MORN5: variants seen among roughly 807,000 people sequenced by gnomAD.
The protein encoded by MORN5 is MORN repeat containing 5, also known as MORN repeat-containing protein 5.
A neutral mutation model predicts 22.1 loss-of-function variants in MORN5; 21 were observed. The ratio of observed to expected loss-of-function variants is 0.95; its 90% CI spans 0.67 to 1.37. The LOEUF is 1.37. MORN5 is among the 40% of genes most tolerant of loss of function. The pLI is 0.00. For missense variants in MORN5, 211 were observed against 215.1 expected, an observed-to-expected ratio of 0.98 and a Z score of 0.12; for synonymous variants, 73 against 74.0, an observed-to-expected ratio of 0.99 and a Z score of 0.07.
At chr9:122,166,122 G>T (rs1829272550) in intron 1 of MORN5, among the ~76,000 whole-genome samples, 1 of 152,038 alleles carries the variant, frequency 6.6e-6, no homozygotes, top group Non-Finnish European at 1.5e-5. Flanking sequence ...GATCTCATGA[G>T]ACTTATTCAC....
At chr9:122,193,119 G>T (rs984730133) in intron 4 of MORN5, among the ~76,000 whole-genome samples, 4 of 152,122 alleles carry the variant, frequency 2.6e-5, no homozygotes, top group African/African-American at 9.7e-5. Context: ...ATGAAGCCCA[G>T]CCCACACATT....
At chr9:122,179,397 C>T (rs1829501531) in intron 4 of MORN5, among the ~76,000 whole-genome samples, 1 of 152,126 alleles carries the variant, frequency 6.6e-6, no homozygotes, top group Admixed American at 6.5e-5. Flanking sequence ...CAAAGGAGAT[C>T]AGATTAGGTA....
rs116648780 is a variant in MORN5, at chr9:122,186,911, C to T, written c.439+12284C>T. On this transcript the variant is annotated intron_variant, in intron 4 of 4. Transcript: ENST00000373764. ...TGAAACCCCTCAGGTCCAGGAGAGGCGGACAGGGTCACAGGCAGGTATTTA... is the reference window on the plus strand; with the variant it reads ...TGAAACCCCTCAGGTCCAGGAGAGGTGGACAGGGTCACAGGCAGGTATTTA... 4.8e-3 allele frequency among the ~76,000 whole-genome samples: 725 copies of T among 152,310 alleles called. 8 individuals carry two copies. The highest frequency in any genetic ancestry group is 0.016 in the African/African-American group (673 of 41,566).
At chr9:122,162,811 G>A (rs1588299539) in intron 1 of MORN5, among the ~76,000 whole-genome samples, 1 of 152,340 alleles carries the variant, frequency 6.6e-6, no homozygotes, top group Middle Eastern at 3.4e-3. Flanking sequence ...GTCACCTAGA[G>A]ATGAGGATTG....
chr9:122,175,508 T>C (rs1419928469), intron 4 of MORN5: 8 of 985,292 alleles, frequency 8.1e-6, no homozygotes, highest in Non-Finnish European at 9.6e-6. Flanking sequence ...CTTATCCTTT[T>C]CTGAAGTCAC....
rs550610477 is a variant in MORN5, at chr9:122,197,919, G to A, written c.440-1966G>A. ...CAGGGACTCCCAGGCAGCCTCCCCA[G>A]AGGAAACTGAGGCTCACTGGCTGCT... On this transcript the variant is annotated intron_variant, in intron 4 of 4. Transcript: ENST00000373764. The surrounding 1 kb of genome is among the most constrained non-coding windows in gnomAD (Gnocchi z 5.7). Among the ~76,000 whole-genome samples the A allele has an allele frequency of 8.5e-4, 129 of 152,322 alleles. No individual in the cohort carries two copies. The highest frequency in any genetic ancestry group is 1.5e-3 in the Non-Finnish European group (102 of 68,026).
intron 3 of MORN5, among the ~76,000 whole-genome samples, chr9:122,173,969 G>A (rs538322076): frequency 3.3e-5 from 5 of 152,364 alleles, no homozygotes; most frequent in Admixed American, 6.5e-5. Context: ...GGCAGCCACC[G>A]TGGTAATTTT....
chr9:122,186,281 C>T (rs1056707387), intron 4 of MORN5, among the ~76,000 whole-genome samples: 1 of 152,138 alleles, frequency 6.6e-6, no homozygotes, highest in Non-Finnish European at 1.5e-5. Flanking sequence ...AAGTTATTTA[C>T]TGACAATCAA....
chr9:122,191,105 A>G (rs1163701470), intron 4 of MORN5, among the ~76,000 whole-genome samples: 1 of 152,076 alleles, frequency 6.6e-6, no homozygotes, highest in Admixed American at 6.6e-5. Context: ...CATTCGGCAT[A>G]AGCCCTGGGC....
At position 122,174,602 on chromosome 9, in the gene MORN5, T is replaced by C. The variant is rs1829419451; in HGVS notation, c.414T>C (p.Tyr138=). 1.2e-6 allele frequency: 2 copies of C among 1,614,148 alleles called. No homozygotes were observed. Among genetic ancestry groups the C allele is most frequent in the African/African-American group, 1.3e-5 (1 of 75,040 alleles). Residue 138 remains tyrosine, a synonymous_variant, in exon 4 of 5, where the codon TAT becomes TAC. Coordinates refer to ENST00000373764, the MANE Select transcript of MORN5 (RefSeq NM_198469.4). ...CAGTCACGAGGGTAGTCAAGGACTA[T>C]AGGAACCGCTTTCTAAGAAACGCAG... ...YNPVTRVVKD[Y]RNRFLRNADD...
At position 122,163,646 on chromosome 9, in the gene MORN5, A is replaced by G. The variant is rs1564414327; in HGVS notation, c.48-3122A>G. Among the ~76,000 whole-genome samples, 5 of 152,210 alleles carry G rather than the reference A, an allele frequency of 3.3e-5. No homozygotes were observed. In the South Asian group the frequency reaches 6.2e-4, roughly 19 times the overall value. On this transcript the variant is annotated intron_variant, in intron 1 of 4. Transcript: ENST00000373764. The stretch of plus-strand genomic sequence containing the variant: ...AGCTGGCAGTTCAGTTTGGCAGGAG[A>G]GTGGGTTGTGCCCAGAGGAGTTATG...
intron 4 of MORN5, among the ~76,000 whole-genome samples, chr9:122,191,863 C>T (rs1376208326): frequency 4.6e-5 from 7 of 152,242 alleles, no homozygotes; most frequent in African/African-American, 9.6e-5. Context: ...CTCCTCCTCC[C>T]GCAGGCTCCC....
intron 4 of MORN5, among the ~76,000 whole-genome samples, chr9:122,198,580 A>T (rs1403649062): frequency 6.6e-6 from 1 of 152,106 alleles, no homozygotes; most frequent in African/African-American, 2.4e-5. Flanking sequence ...TGAAAAAAGC[A>T]TGGGCAGCTG....
chr9:122,169,321 T>A (rs1829332888), intron 2 of MORN5, among the ~76,000 whole-genome samples: 1 of 152,174 alleles, frequency 6.6e-6, no homozygotes, highest in African/African-American at 2.4e-5. Context: ...GCTTCACGTG[T>A]GCTATCTCAT....
intron 4 of MORN5, among the ~76,000 whole-genome samples, chr9:122,190,368 C>G (rs370169732): frequency 6.6e-6 from 1 of 152,106 alleles, no homozygotes; most frequent in Non-Finnish European, 1.5e-5. Context: ...GAGTCTTTAA[C>G]AATTGGCCAT....
At position 122,163,752 on chromosome 9, in the gene MORN5, C is replaced by T. The variant is rs141314008; in HGVS notation, c.48-3016C>T. Among the ~76,000 whole-genome samples, 975 of 152,278 alleles carry T rather than the reference C, an allele frequency of 6.4e-3. 5 individuals are homozygous for T. Among genetic ancestry groups the T allele is most frequent in the Middle Eastern group, 0.017 (5 of 294 alleles). Reference sequence around the variant, plus strand: ...CACAATTCTGGTGGTGGAGGAACCACTGATAGATCCTGGTAGGGCCAAGCA... The same window carrying T: ...CACAATTCTGGTGGTGGAGGAACCATTGATAGATCCTGGTAGGGCCAAGCA... On this transcript the variant is annotated intron_variant, in intron 1 of 4. Transcript: ENST00000373764.
In MORN5 at chr9:122,197,562, G is replaced by A. The variant is rs1230708386; in HGVS notation, c.440-2323G>A. On this transcript the variant is annotated intron_variant, in intron 4 of 4. Coordinates refer to ENST00000373764, the MANE Select transcript of MORN5 (RefSeq NM_198469.4). The surrounding 1 kb of genome is among the most constrained non-coding windows in gnomAD (Gnocchi z 5.7). ...GGTTGGTGAGCAGCTGCTGGGAGGG[G>A]AGGCATCTGTGATTCAAATTGGTGG... 2.6e-5 allele frequency among the ~76,000 whole-genome samples: 4 copies of A among 152,176 alleles called. No individual in the cohort carries two copies. The highest frequency in any genetic ancestry group is 4.4e-5 in the Non-Finnish European group (3 of 68,018).
rs886879650 is a variant in MORN5 at position 122,196,115 on chromosome 9, T to C, written c.440-3770T>C. ...CTGGGACCACAGGTGCTTGCCACCA[T>C]GCCCAGCTAATTTTTCTATTTTTTG... On this transcript the variant is annotated intron_variant, in intron 4 of 4. Transcript: ENST00000373764. Among the ~76,000 whole-genome samples, 3 of 151,888 alleles carry C rather than the reference T, an allele frequency of 2.0e-5. No homozygotes were observed. In the East Asian group the frequency reaches 5.8e-4, roughly 29 times the overall value.
intron 1 of MORN5, among the ~76,000 whole-genome samples, chr9:122,163,977 C>T (rs541771671): frequency 5.6e-4 from 85 of 152,170 alleles, no homozygotes; most frequent in Non-Finnish European, 9.4e-4. Context: ...TCCACCCCAC[C>T]GGACTCAAGC....
Sources: allele counts gnomAD v4.1 joint callset (sites outside exome capture counted in the v4.1 genomes callset), GRCh38; gene constraint gnomAD v4.1.1; non-coding constraint Gnocchi (gnomAD v3.1); transcripts MANE v1.5; gene names NCBI Gene and HGNC (gene_info 2026-07-23, HGNC 2026-07-21).